Variants in DMD observed in about 807,000 individuals in gnomAD.
DMD encodes dystrophin.
Under a neutral mutation model 330.1 loss-of-function variants are expected in DMD, and 63 were observed. The observed-to-expected ratio is 0.19, with a 90% CI of 0.16 to 0.24. The LOEUF is 0.24. Ranked by LOEUF, DMD falls within the 10% of genes least tolerant of loss-of-function variation. The pLI is 1.00. For missense variants in DMD, 3,344 were observed against 2,684.1 expected (o/e 1.25, Z -5.43); for synonymous variants, 1,223 against 959.8 (o/e 1.27, Z -5.07).
chrX:32,695,985 G>T (rs2063627209), intron 9 of DMD, among the ~76,000 whole-genome samples: 1 of 112,007 alleles, frequency 8.9e-6, no homozygotes, highest in South Asian at 3.7e-4. Flanking sequence ...TTGTCTCTGT[G>T]ATTAAGAATA....
chrX:32,917,170 C>G (rs575182901), intron 2 of DMD, among the ~76,000 whole-genome samples: 8 of 97,141 alleles, frequency 8.2e-5, no homozygotes, highest in Admixed American at 4.4e-4. Flanking sequence ...CCCCCCCCCC[C>G]ACATCCCCCA....
chrX:31,347,397 C>G lies in DMD; in HGVS notation c.9163+1159G>C, dbSNP rs11796041. On this transcript the variant is annotated intron_variant, in intron 61 of 78. Coordinates refer to ENST00000357033, the MANE Select transcript of DMD (RefSeq NM_004006.3). Reference sequence around the variant, plus strand: ...AACCACCCTCTCTTTATCTCCCCCTCTACCCACACACCTTTCCCAGCCACT... The same window carrying G: ...AACCACCCTCTCTTTATCTCCCCCTGTACCCACACACCTTTCCCAGCCACT... 4.5e-5 allele frequency among the ~76,000 whole-genome samples: 5 copies of G among 111,426 alleles called. No individual in the cohort carries two copies. The South Asian group carries it at 1.9e-3, about 43-fold the overall frequency.
chrX:32,054,088 T>TGAGAGAGAGA (rs751524877), intron 44 of DMD, among the ~76,000 whole-genome samples: 49 of 69,560 alleles, frequency 7.0e-4, no homozygotes, highest in Admixed American at 1.0e-3. Context: ...TGTGTGTGTG[T>TGAGAGAGAGA]GAGAGAGAGA....
At chrX:31,287,187 A>G (rs941677615) in intron 62 of DMD, among the ~76,000 whole-genome samples, 2 of 112,540 alleles carry the variant, frequency 1.8e-5, no homozygotes, top group African/African-American at 3.2e-5. Flanking sequence ...CCTGCTATGT[A>G]TAAGTGTAAC....
At chrX:33,027,089 T>C (rs1020871909) in intron 1 of DMD, among the ~76,000 whole-genome samples, 4 of 112,420 alleles carry the variant, frequency 3.6e-5, no homozygotes, top group Non-Finnish European at 3.8e-5. Flanking sequence ...CATCTGTGAA[T>C]AAATTATGTT....
intron 2 of DMD, among the ~76,000 whole-genome samples, chrX:32,866,307 T>C (rs1355866794): frequency 1.8e-5 from 2 of 112,202 alleles, no homozygotes; most frequent in African/African-American, 3.2e-5. Context: ...GGCTAACATA[T>C]GTATTTGAAA....
intron 62 of DMD, among the ~76,000 whole-genome samples, chrX:31,302,658 T>TA (rs1157275152): frequency 2.7e-4 from 28 of 103,692 alleles, no homozygotes; most frequent in East Asian, 6.0e-4. Context: ...GGGGGAAAAG[T>TA]AAAAAAAAAA....
At chrX:31,649,360 C>A (rs953424273) in intron 54 of DMD, among the ~76,000 whole-genome samples, 2 of 111,452 alleles carry the variant, frequency 1.8e-5, no homozygotes, top group Admixed American at 1.9e-4. Flanking sequence ...TAATTTTCCA[C>A]ACCAGTAAAT....
At chrX:33,298,423 T>C (rs1312737634) in intron 1 of DMD, among the ~76,000 whole-genome samples, 1 of 111,812 alleles carries the variant, frequency 8.9e-6, no homozygotes, top group African/African-American at 3.2e-5. Context: ...CAATTTATGT[T>C]ATTTAAAATA....
chrX:31,435,420 T>C (rs916588742), intron 60 of DMD: 4 of 111,894 alleles, frequency 3.6e-5, no homozygotes, highest in African/African-American at 9.7e-5. Context: ...TTTAGTAAAT[T>C]AATTAATATA....
chrX:33,094,806 T>C (rs1359341404), intron 1 of DMD, among the ~76,000 whole-genome samples: 1 of 67,904 alleles, frequency 1.5e-5, no homozygotes, highest in Non-Finnish European at 2.7e-5. Flanking sequence ...AGACTCCATC[T>C]CAAAAAAAAA....
chrX:32,831,272 A>T (rs1276690842), intron 4 of DMD, among the ~76,000 whole-genome samples: 3 of 110,705 alleles, frequency 2.7e-5, no homozygotes, highest in Non-Finnish European at 3.8e-5. Flanking sequence ...ATTTTATTCA[A>T]GCTAAGATTA....
At chrX:31,514,179 A>C (rs1211689487) in intron 55 of DMD, among the ~76,000 whole-genome samples, 2 of 112,151 alleles carry the variant, frequency 1.8e-5, no homozygotes, top group Non-Finnish European at 3.8e-5. Flanking sequence ...GATGCATCCA[A>C]TACAACAAGA....
chrX:31,638,831 CTTA>C (rs1327210882), intron 54 of DMD, among the ~76,000 whole-genome samples: 2 of 111,933 alleles, frequency 1.8e-5, no homozygotes, highest in Non-Finnish European at 3.8e-5. Flanking sequence ...AATAATATCT[CTTA>C]TAATTTTTAC....
At chrX:31,330,149 CA>C (rs1207075246) in intron 61 of DMD, among the ~76,000 whole-genome samples, 1 of 105,048 alleles carries the variant, frequency 9.5e-6, no homozygotes, top group Non-Finnish European at 1.9e-5. Flanking sequence ...CCAAACTTAC[CA>C]AATTACATAT....
intron 1 of DMD, among the ~76,000 whole-genome samples, chrX:33,261,407 AT>A (rs1569559269): frequency 1.8e-5 from 2 of 110,559 alleles, no homozygotes; most frequent in African/African-American, 6.6e-5. Context: ...CTGACAGACT[AT>A]TTTCCCCCCA....
intron 17 of DMD, among the ~76,000 whole-genome samples, chrX:32,537,973 A>C (rs1356973282): frequency 8.9e-6 from 1 of 112,457 alleles, no homozygotes; most frequent in Admixed American, 9.4e-5. Context: ...TCACAGCTTG[A>C]ATTGAGCATC....
chrX:31,198,476 CCCAATTACT>C lies in DMD; in HGVS notation c.9807+5476_9807+5484del, dbSNP rs1164845182. 8.1e-5 allele frequency among the ~76,000 whole-genome samples: 9 copies of C among 111,600 alleles called. No individual in the cohort carries two copies. The East Asian group carries it at 2.5e-3, about 31-fold the overall frequency. On this transcript the variant is annotated intron_variant, in intron 67 of 78. Coordinates refer to ENST00000357033, the MANE Select transcript of DMD (RefSeq NM_004006.3). ...GATGAATGTTTGAGATGATGGACACCCCAATTACTCTGATTGTGTTACCCTACACATTGT... is the reference window on the plus strand; with the variant it reads ...GATGAATGTTTGAGATGATGGACACCCTGATTGTGTTACCCTACACATTGT...
intron 43 of DMD, among the ~76,000 whole-genome samples, chrX:32,253,918 G>T (rs1196893323): frequency 2.7e-5 from 3 of 111,506 alleles, no homozygotes; most frequent in African/African-American, 9.8e-5. Context: ...CACCACGCCT[G>T]GTCAATTGAT....
Sources: allele counts gnomAD v4.1 joint callset (sites outside exome capture counted in the v4.1 genomes callset), GRCh38; gene constraint gnomAD v4.1.1; transcripts MANE v1.5; gene names NCBI Gene and HGNC (gene_info 2026-07-23, HGNC 2026-07-21).